DENND2D: variants seen among roughly 807,000 people sequenced by gnomAD.
DENND2D encodes the protein DENN domain containing 2D.
Under a neutral mutation model 59.8 loss-of-function variants are expected in DENND2D, and 37 were observed. That is an observed-to-expected ratio of 0.62 (90% CI 0.48 to 0.81). The LOEUF is 0.81. DENND2D is among the 40% of genes least tolerant of loss of function. The probability of loss-of-function intolerance (pLI) is 0.00; values close to 1 mark genes in which losing one functional copy is unlikely to be tolerated. For missense variants in DENND2D, 525 were observed against 579.7 expected (o/e 0.91, Z 0.97); for synonymous variants, 219 against 211.3 (o/e 1.04, Z -0.31).
chr1:111,193,926 T>C (rs1657988689), intron 7 of DENND2D, among the ~76,000 whole-genome samples: 1 of 152,234 alleles, frequency 6.6e-6, no homozygotes, highest in South Asian at 2.1e-4. Flanking sequence ...CAATATGTGC[T>C]CAGCAGGGTG....
intron 3 of DENND2D, among the ~76,000 whole-genome samples, chr1:111,198,250 A>G (rs1009586931): frequency 1.3e-5 from 2 of 152,254 alleles, no homozygotes; most frequent in African/African-American, 4.8e-5. Flanking sequence ...AGGTCACTCA[A>G]CTCATAAATA....
At position 111,188,757 on chromosome 1, in the gene DENND2D, C is replaced by A; in HGVS notation, c.1044G>T (p.Pro348=). The change falls in exon 10 of 12, where the codon CCG becomes CCT. Residue 348 remains proline, a synonymous_variant. Coordinates refer to ENST00000357640, the MANE Select transcript of DENND2D (RefSeq NM_024901.5). The part of the protein sequence containing the change: ...SVGDEKDILP[P]KLQDDILDSL... ...AGTCTAAGATGTCATCCTGAAGCTT[C>A]GGTGGCAGGATGTCTTTTTCATCAC... is the stretch of plus-strand genomic sequence containing the variant. 1 of 1,614,042 alleles carries A rather than the reference C, an allele frequency of 6.2e-7. No individual in the cohort carries two copies.
chr1:111,193,774 T>A (rs1657978070), intron 7 of DENND2D, among the ~76,000 whole-genome samples: 1 of 152,158 alleles, frequency 6.6e-6, no homozygotes, highest in Admixed American at 6.5e-5. Context: ...CTTCTTTCAT[T>A]CTCCATTCTA....
intron 3 of DENND2D, among the ~76,000 whole-genome samples, 166 bp downstream of exon 3, chr1:111,198,464 T>C (rs1658464014): frequency 6.6e-6 from 1 of 152,224 alleles, no homozygotes; most frequent in Non-Finnish European, 1.5e-5. Context: ...TAGCTCATAT[T>C]CTTGGCCTTG....
intron 4 of DENND2D, chr1:111,197,587 A>G: frequency 2.2e-6 from 3 of 1,352,408 alleles, no homozygotes; most frequent in South Asian, 1.7e-5. Flanking sequence ...AAGATTTGAA[A>G]CTAATTGTCC....
intron 1 of DENND2D, 102 bp from the exon 2 acceptor site, chr1:111,199,900 C>A: frequency 7.0e-7 from 1 of 1,431,998 alleles, no homozygotes. Flanking sequence ...GGCCGCCTTG[C>A]CAATGCTGAG....
intron 8 of DENND2D, among the ~76,000 whole-genome samples, chr1:111,191,320 T>C (rs1657747112): frequency 6.6e-6 from 1 of 152,194 alleles, no homozygotes. Flanking sequence ...TCCACTGTTG[T>C]CTATGTGGCC....
intron 7 of DENND2D, among the ~76,000 whole-genome samples, chr1:111,193,381 C>T (rs867951984): frequency 6.6e-6 from 1 of 152,136 alleles, no homozygotes; most frequent in Admixed American, 6.5e-5. Context: ...CCTCCACTTC[C>T]CAAACACTGA....
chr1:111,194,515 T>C, intron 7 of DENND2D, 63 bp downstream of exon 7: 1 of 1,583,512 alleles, frequency 6.3e-7, no homozygotes, highest in Non-Finnish European at 8.6e-7. Context: ...TAACCTCCAG[T>C]CTGTTCCCTT....
At chr1:111,200,173 G>C (rs1658660794) in intron 1 of DENND2D, 2 of 615,672 alleles carry the variant, frequency 3.2e-6, no homozygotes, top group African/African-American at 1.8e-5. Flanking sequence ...AAGTGAATAA[G>C]AACAGGCTCA....
chr1:111,188,106 A>G (rs1657387414), intron 11 of DENND2D, 25 bp downstream of exon 11: 1 of 1,613,706 alleles, frequency 6.2e-7, no homozygotes, highest in African/African-American at 1.3e-5. Flanking sequence ...CTATGGGCTT[A>G]GACTGATGGG....
At position 111,197,997 on chromosome 1, in the gene DENND2D, A is replaced by T. The variant is rs760641830; in HGVS notation, c.357-8T>A. 1 of 1,613,688 alleles carries T rather than the reference A, an allele frequency of 6.2e-7. No homozygotes were observed. On this transcript the variant is annotated splice_region_variant and splice_polypyrimidine_tract_variant and intron_variant, in intron 3 of 11. Transcript: ENST00000357640. ...ACGAAGGAGAAGGTCTCCCTAAGAA[A>T]GAGCAGACAAGGCTTGATTTGTATT...
chr1:111,189,142 G>A (rs1212164479), intron 9 of DENND2D, 70 bp downstream of exon 9: 3 of 1,534,118 alleles, frequency 2.0e-6, no homozygotes, highest in Non-Finnish European at 2.7e-6. Flanking sequence ...TTAAATAAGT[G>A]GAACATGGAT....
At chr1:111,188,088 G>A in intron 11 of DENND2D, 43 bp downstream of exon 11, 4 of 1,606,856 alleles carry the variant, frequency 2.5e-6, no homozygotes, top group Non-Finnish European at 3.4e-6. Flanking sequence ...TATTCTAGAG[G>A]TAACCCTCTA....
intron 10 of DENND2D, 149 bp from the exon 11 acceptor site, chr1:111,188,519 G>A: frequency 4.6e-6 from 6 of 1,311,062 alleles, no homozygotes; most frequent in Non-Finnish European, 6.3e-6. Context: ...TGGGAATCTG[G>A]GTATGAGTTC....
At position 111,196,872 on chromosome 1, in the gene DENND2D, C is replaced by A. The variant is rs540647164; in HGVS notation, c.504+304G>T. 1.9e-5 allele frequency: 7 copies of A among 360,860 alleles called. No individual in the cohort carries two copies. In the Admixed American group the frequency reaches 2.6e-4, roughly 13 times the overall value. The allele number at this position is 360,860 out of a possible 1,614,324, so 22.4% of individuals were successfully genotyped here. Reference sequence around the variant, plus strand: ...GGAAGGTGAGATTATTATATCCATTCGACGGATGAGGAAATTGAAACTCAG... The same window carrying A: ...GGAAGGTGAGATTATTATATCCATTAGACGGATGAGGAAATTGAAACTCAG... On this transcript the variant is annotated intron_variant, in intron 5 of 11. Transcript: ENST00000357640.
chr1:111,189,908 T>C (rs910366431), intron 8 of DENND2D, among the ~76,000 whole-genome samples: 1 of 152,202 alleles, frequency 6.6e-6, no homozygotes, highest in African/African-American at 2.4e-5. Context: ...CTCACGCCTG[T>C]AATCCCAGCA....
chr1:111,189,520 G>A (rs1657531501), intron 8 of DENND2D, among the ~76,000 whole-genome samples: 1 of 152,202 alleles, frequency 6.6e-6, no homozygotes, highest in Non-Finnish European at 1.5e-5. Flanking sequence ...ACAAGATGGA[G>A]AAATCACAGC....
In DENND2D at chr1:111,197,991, TAAGA is replaced by T; in HGVS notation, c.357-6_357-3del. The T allele has an allele frequency of 6.2e-7, 1 of 1,613,852 alleles. No individual in the cohort carries two copies. The highest frequency in any genetic ancestry group is 8.5e-7 in the Non-Finnish European group (1 of 1,179,836). Reference sequence around the variant, plus strand: ...GTCAGAACGAAGGAGAAGGTCTCCCTAAGAAAGAGCAGACAAGGCTTGATTTGTA... The same window carrying T: ...GTCAGAACGAAGGAGAAGGTCTCCCTAAGAGCAGACAAGGCTTGATTTGTA... On this transcript the variant is annotated splice_polypyrimidine_tract_variant and splice_region_variant and intron_variant, in intron 3 of 11. Transcript: ENST00000357640.
Sources: allele counts gnomAD v4.1 joint callset (sites outside exome capture counted in the v4.1 genomes callset), GRCh38; gene constraint gnomAD v4.1.1; transcripts MANE v1.5; gene names NCBI Gene and HGNC (gene_info 2026-07-23, HGNC 2026-07-21).